Variants in DNMBP observed in about 807,000 individuals in gnomAD.
The protein encoded by DNMBP is dynamin-binding protein.
In DNMBP, 87 loss-of-function variants were observed where a neutral mutation model predicts 150.0. The observed-to-expected ratio is 0.58, with a 90% CI of 0.49 to 0.69. The LOEUF is 0.69. DNMBP is among the 30% of genes least tolerant of loss of function. DNMBP has a pLI of 0.00. For missense variants in DNMBP, 1,774 were observed against 1,949.0 expected, an observed-to-expected ratio of 0.91 and a Z score of 1.69; for synonymous variants, 711 against 750.4, an observed-to-expected ratio of 0.95 and a Z score of 0.86.
At chr10:99,967,795 C>A (rs768958108) in intron 3 of DNMBP, among the ~76,000 whole-genome samples, 1 of 151,870 alleles carries the variant, frequency 6.6e-6, no homozygotes, top group Non-Finnish European at 1.5e-5. Context: ...CTAATAAGTT[C>A]TACTGTTTTG....
intron 4 of DNMBP, among the ~76,000 whole-genome samples, chr10:99,910,442 A>C (rs1033960237): frequency 2.6e-5 from 4 of 152,240 alleles, no homozygotes; most frequent in African/African-American, 9.6e-5. Context: ...TGGGAGGCTG[A>C]GTCATGAGAA....
intron 4 of DNMBP, among the ~76,000 whole-genome samples, chr10:99,931,330 A>G (rs2040154949): frequency 6.6e-6 from 1 of 152,010 alleles, no homozygotes. Flanking sequence ...TCATCCCTTA[A>G]CTTAGAGTCA....
At position 99,955,498 on chromosome 10, in the gene DNMBP, G is replaced by T; in HGVS notation, c.1976C>A (p.Ser659Tyr). 6.3e-7 allele frequency: 1 copy of T among 1,599,748 alleles called. No homozygotes were observed. Among genetic ancestry groups the T allele is most frequent in the Non-Finnish European group, 8.5e-7 (1 of 1,172,618 alleles). ...ACGGTGTCGAGATAGGAGCTTGGGG[G>T]ATACCGCATTCGTTCTCTGCTGTGC... ...PSAQQRTNAV[S>Y]PKLLSRHRPT... Residue 659 changes from serine to tyrosine, a missense_variant, in exon 4 of 17, where the codon TCC (serine) becomes TAC (tyrosine). Physicochemically the swap from Ser to Tyr is moderately radical, Grantham distance 144. Coordinates refer to ENST00000324109, the MANE Select transcript of DNMBP (RefSeq NM_015221.4).
intron 6 of DNMBP, among the ~76,000 whole-genome samples, chr10:99,900,412 A>G (rs1372861939): frequency 6.6e-6 from 1 of 151,728 alleles, no homozygotes; most frequent in East Asian, 2.0e-4. Flanking sequence ...CCACGTGTGC[A>G]TGCCACCATG....
In DNMBP at chr10:99,895,051, CT is replaced by C; in HGVS notation, c.3052-2del. On this transcript the variant is annotated splice_acceptor_variant, in intron 10 of 16. Coordinates refer to ENST00000324109, the MANE Select transcript of DNMBP (RefSeq NM_015221.4). LOFTEE classifies it high-confidence loss of function. Reference sequence around the variant, plus strand: ...TTTCTTCAAATACTTCATCTTTTATCTGTTCAAAAATAAACAAGTGCTGTTA... The same window carrying C: ...TTTCTTCAAATACTTCATCTTTTATCGTTCAAAAATAAACAAGTGCTGTTA... The C allele has an allele frequency of 1.3e-6, 2 of 1,585,510 alleles. No individual in the cohort carries two copies. Among genetic ancestry groups the C allele is most frequent in the Non-Finnish European group, 8.6e-7 (1 of 1,158,172 alleles).
intron 1 of DNMBP, among the ~76,000 whole-genome samples, chr10:99,973,677 C>A (rs539977884): frequency 5.3e-5 from 8 of 152,254 alleles, no homozygotes; most frequent in Non-Finnish European, 8.8e-5. Flanking sequence ...GCCTCAAAGG[C>A]CTAGATGGAA....
In DNMBP at chr10:99,956,623, G is replaced by A. The variant is rs778731802; in HGVS notation, c.851C>T (p.Ser284Phe). Reference sequence around the variant, plus strand: ...AAAGATGCCTGTCCTGCCCTTCAGGGATCCTTCCAGCCAGCCATCTTCCAA... The same window carrying A: ...AAAGATGCCTGTCCTGCCCTTCAGGAATCCTTCCAGCCAGCCATCTTCCAA... ...ATLEDGWLEG[S>F]LKGRTGIFPY... The change falls in exon 4 of 17, where the codon TCC (serine) becomes TTC (phenylalanine). Residue 284 changes from serine (S) to phenylalanine (F), a missense_variant. By Grantham distance (155) the Ser-to-Phe change is radical. Around this residue, in one of 2 missense-constraint regions of DNMBP, gnomAD observed 344 missense variants for 456.6 expected, o/e 0.75. Coordinates refer to ENST00000324109, the MANE Select transcript of DNMBP (RefSeq NM_015221.4). The A allele has an allele frequency of 1.9e-6, 3 of 1,614,026 alleles. No individual in the cohort carries two copies. Among genetic ancestry groups the A allele is most frequent in the South Asian group, 2.2e-5 (2 of 91,078 alleles).
chr10:100,001,914 T>C (rs2041017637), intron 1 of DNMBP, among the ~76,000 whole-genome samples: 1 of 152,140 alleles, frequency 6.6e-6, no homozygotes, highest in African/African-American at 2.4e-5. Flanking sequence ...AGGGCTAGGA[T>C]TGCTCCAAGT....
At chr10:100,006,942 C>T (rs944858094) in intron 1 of DNMBP, among the ~76,000 whole-genome samples, 6 of 151,996 alleles carry the variant, frequency 3.9e-5, no homozygotes, top group Admixed American at 2.6e-4. Flanking sequence ...AGTGAAACCC[C>T]GCGTCTACTA....
chr10:99,981,740 C>T lies in DNMBP; in HGVS notation c.-10-9606G>A, dbSNP rs75068433. Among the ~76,000 whole-genome samples the T allele has an allele frequency of 1.4e-3, 220 of 152,292 alleles. 5 individuals are homozygous for T. In the East Asian group the frequency reaches 0.03, roughly 21 times the overall value. ...CACCAGAACTGAACAAGGCCTCCCC[C>T]ATCTCTGGCTTTCAGTTGGGTTCAG... On this transcript the variant is annotated intron_variant, in intron 1 of 16. Transcript: ENST00000324109.
At position 99,960,948 on chromosome 10, in the gene DNMBP, G is replaced by A. The variant is rs3121884; in HGVS notation, c.269-3743C>T. 4.4e-3 allele frequency among the ~76,000 whole-genome samples: 662 copies of A among 151,722 alleles called. 9 individuals are homozygous for A. The highest frequency in any genetic ancestry group is 0.015 in the African/African-American group (619 of 41,328). Reference sequence around the variant, plus strand: ...ACTATGATCGGACCACTGCACTCCAGCCTGGGTGACAAAGAGAGGCCCTGT... The same window carrying A: ...ACTATGATCGGACCACTGCACTCCAACCTGGGTGACAAAGAGAGGCCCTGT... On this transcript the variant is annotated intron_variant, in intron 3 of 16. Transcript: ENST00000324109.
chr10:99,935,858 C>A (rs1238439307), intron 4 of DNMBP, among the ~76,000 whole-genome samples: 3 of 152,168 alleles, frequency 2.0e-5, no homozygotes, highest in Non-Finnish European at 4.4e-5. Flanking sequence ...AGCCACCGCA[C>A]CTGGCCTAAT....
intron 4 of DNMBP, among the ~76,000 whole-genome samples, chr10:99,947,993 T>G (rs1187137370): frequency 6.6e-6 from 1 of 152,166 alleles, no homozygotes; most frequent in Non-Finnish European, 1.5e-5. Context: ...AATTTAAGAA[T>G]GTTTTTACGA....
intron 4 of DNMBP, among the ~76,000 whole-genome samples, chr10:99,940,864 C>T (rs4919401): frequency 0.31 from 46,796 of 152,042 alleles, 7,292 homozygotes; most frequent in Non-Finnish European, 0.33. Flanking sequence ...CTTGGCCTCT[C>T]GGCAGCTTCT....
Position 99,886,716 on chromosome 10 carries a change from G to C in DNMBP, c.3286-84C>G, listed in dbSNP as rs2039472920. The C allele has an allele frequency of 3.0e-6, 4 of 1,339,892 alleles. No homozygotes were observed. The East Asian group carries it at 9.2e-5, about 31-fold the overall frequency. 83.0% of individuals were successfully genotyped at this position (1,339,892 alleles called of 1,614,324 possible). On this transcript the variant is annotated intron_variant, in intron 12 of 16. Coordinates refer to ENST00000324109, the MANE Select transcript of DNMBP (RefSeq NM_015221.4). Reference sequence around the variant, plus strand: ...CCAAGTCACTCTTAAGGCTGACTTTGTTGTGTCCTGAACCACCTACTTCGT... The same window carrying C: ...CCAAGTCACTCTTAAGGCTGACTTTCTTGTGTCCTGAACCACCTACTTCGT...
chr10:99,891,160 C>G (rs1369869026), intron 11 of DNMBP, among the ~76,000 whole-genome samples: 2 of 149,308 alleles, frequency 1.3e-5, no homozygotes, highest in African/African-American at 5.0e-5. Flanking sequence ...CTCCCTCTCC[C>G]TCTCCCCCTC....
chr10:99,911,810 C>T (rs1354260565), intron 4 of DNMBP, among the ~76,000 whole-genome samples: 1 of 152,072 alleles, frequency 6.6e-6, no homozygotes, highest in Non-Finnish European at 1.5e-5. Flanking sequence ...CATCAGTGTT[C>T]GATTATGATT....
chr10:99,997,948 A>C (rs1589454448), intron 1 of DNMBP, among the ~76,000 whole-genome samples: 1 of 149,706 alleles, frequency 6.7e-6, no homozygotes, highest in Non-Finnish European at 1.5e-5. Flanking sequence ...AAAAAAAAAA[A>C]AAAAAGCTGG....
intron 4 of DNMBP, chr10:99,930,769 A>G (rs562794090): frequency 1.5e-6 from 1 of 648,800 alleles, no homozygotes; most frequent in South Asian, 1.8e-5. Flanking sequence ...CACATATTCT[A>G]TGTGCTTAAA....
Sources: gnomAD v4.1 joint callset for allele counts (sites outside exome capture counted in the v4.1 genomes callset) on GRCh38, gnomAD v4.1.1 for gene constraint, gnomAD v4.1.1 regional missense constraint, MANE v1.5 for transcripts, NCBI Gene and HGNC (gene_info 2026-07-23, HGNC 2026-07-21) for gene names.